Variants in CSMD1 observed in about 807,000 individuals in gnomAD.
The protein encoded by CSMD1 is CUB and sushi domain-containing protein 1.
CSMD1 carries 213 observed loss-of-function variants against 417.5 expected under a neutral mutation model. The ratio of observed to expected loss-of-function variants is 0.51; its 90% CI spans 0.46 to 0.57. The LOEUF (loss-of-function observed/expected upper bound fraction) is 0.57, where lower values mean the gene tolerates loss of function less well. Ranked by LOEUF, CSMD1 falls within the 20% of genes least tolerant of loss-of-function variation. CSMD1 has a pLI of 0.00. For missense variants in CSMD1, 6,923 were observed against 4,529.7 expected (o/e 1.53, Z -15.17); for synonymous variants, 2,862 against 1,736.8 (o/e 1.65, Z -16.11).
chr8:4,963,911 C>G (rs1041525693), intron 1 of CSMD1, among the ~76,000 whole-genome samples: 3 of 152,052 alleles, frequency 2.0e-5, no homozygotes, highest in African/African-American at 7.2e-5. Flanking sequence ...ATATTTTATA[C>G]ACCTCACTTA....
At chr8:3,948,457 C>G (rs923144446) in intron 5 of CSMD1, among the ~76,000 whole-genome samples, 4 of 152,088 alleles carry the variant, frequency 2.6e-5, no homozygotes, top group African/African-American at 9.6e-5. Context: ...TTGAATGTGA[C>G]CCTTCTTTGG....
In CSMD1 at chr8:4,923,359, C is replaced by A. The variant is rs143410160; in HGVS notation, c.85+70973G>T. On this transcript the variant is annotated intron_variant, in intron 1 of 69. Transcript: ENST00000635120. ...AACAGTTAACTTCTTAAAGGGTTGG[C>A]ATACATTTTAAAATAAAGAGTGTAA... is the stretch of plus-strand genomic sequence containing the variant. Among the ~76,000 whole-genome samples the A allele has an allele frequency of 1.3e-3, 193 of 152,170 alleles. 1 individual carries two copies. Among genetic ancestry groups the A allele is most frequent in the African/African-American group, 4.2e-3 (173 of 41,508 alleles).
At chr8:4,905,131 T>A (rs1278342276) in intron 1 of CSMD1, among the ~76,000 whole-genome samples, 4 of 152,092 alleles carry the variant, frequency 2.6e-5, no homozygotes, top group Non-Finnish European at 4.4e-5. Flanking sequence ...AACTTTTAAA[T>A]GTCATAAGGA....
rs570316302 is a variant in CSMD1, at chr8:3,479,931, A to G, written c.1449-11107T>C. Reference sequence around the variant, plus strand: ...TGAACTAAAAGGAAATTATGGAACTAAAAATAACAGAAGAGAAAACTAAAA... The same window carrying G: ...TGAACTAAAAGGAAATTATGGAACTGAAAATAACAGAAGAGAAAACTAAAA... On this transcript the variant is annotated intron_variant, in intron 11 of 69. Transcript: ENST00000635120. Among the ~76,000 whole-genome samples, 3 of 152,382 alleles carry G rather than the reference A, an allele frequency of 2.0e-5. No homozygotes were observed. In the South Asian group the frequency reaches 6.2e-4, roughly 32 times the overall value.
At chr8:2,947,788 A>C (rs1014426564) in intron 68 of CSMD1, among the ~76,000 whole-genome samples, 1 of 152,192 alleles carries the variant, frequency 6.6e-6, no homozygotes, top group Non-Finnish European at 1.5e-5. Context: ...GGTCTAATGC[A>C]TTTATTCCAT....
chr8:4,209,474 C>G (rs1800177696), intron 3 of CSMD1, among the ~76,000 whole-genome samples: 2 of 152,190 alleles, frequency 1.3e-5, no homozygotes, highest in African/African-American at 4.8e-5. Flanking sequence ...CTGCTAGTTC[C>G]CGAACACTTC....
intron 9 of CSMD1, among the ~76,000 whole-genome samples, chr8:3,582,097 G>A (rs958140286): frequency 2.0e-5 from 3 of 152,130 alleles, no homozygotes; most frequent in African/African-American, 7.2e-5. Flanking sequence ...GCTGGCCAAT[G>A]CTGTCTTTTC....
intron 12 of CSMD1, among the ~76,000 whole-genome samples, chr8:3,457,921 G>A (rs1816260291): frequency 6.6e-6 from 1 of 152,022 alleles, no homozygotes; most frequent in African/African-American, 2.4e-5. Context: ...CATATGGCTG[G>A]AAAAAAATAG....
intron 1 of CSMD1, among the ~76,000 whole-genome samples, chr8:4,761,867 C>CTATA (rs1812099228): frequency 1.1e-5 from 1 of 87,772 alleles, no homozygotes; most frequent in Admixed American, 1.6e-4. Context: ...ATCTATCTAT[C>CTATA]TATCTATCTA....
At chr8:4,911,794 T>A (rs1451963391) in intron 1 of CSMD1, among the ~76,000 whole-genome samples, 1 of 152,178 alleles carries the variant, frequency 6.6e-6, no homozygotes, top group Non-Finnish European at 1.5e-5. Context: ...GATCAATCAC[T>A]TCTAGATTGG....
intron 5 of CSMD1, among the ~76,000 whole-genome samples, chr8:3,802,718 T>C (rs985981488): frequency 2.6e-5 from 4 of 152,342 alleles, no homozygotes; most frequent in Admixed American, 6.5e-5. Context: ...ACAATTTTAA[T>C]TTATTTTAAT....
At chr8:4,385,287 A>G (rs117933969) in intron 3 of CSMD1, among the ~76,000 whole-genome samples, 1 of 152,318 alleles carries the variant, frequency 6.6e-6, no homozygotes, top group East Asian at 1.9e-4. Context: ...TCAAAATACT[A>G]TCTGTTCATG....
rs111287694 is a variant in CSMD1, at chr8:3,768,564, A to G, written c.819-14522T>C. Among the ~76,000 whole-genome samples the G allele has an allele frequency of 4.1e-3, 622 of 152,356 alleles. 6 individuals carry two copies. Among genetic ancestry groups the G allele is most frequent in the African/African-American group, 0.014 (588 of 41,586 alleles). On this transcript the variant is annotated intron_variant, in intron 5 of 69. Transcript: ENST00000635120. ...CCAAATGGCTCAGACACTGCTAAAC[A>G]GAAACAAGAGTACTTTAAGTTCAAC... is the stretch of plus-strand genomic sequence containing the variant.
chr8:4,403,427 A>G (rs1378452239), intron 3 of CSMD1, among the ~76,000 whole-genome samples: 1 of 152,110 alleles, frequency 6.6e-6, no homozygotes, highest in Admixed American at 6.6e-5. Context: ...AGAGTTTCAC[A>G]CCTGCCATTC....
At chr8:4,032,553 G>A (rs776786818) in intron 3 of CSMD1, among the ~76,000 whole-genome samples, 1 of 152,152 alleles carries the variant, frequency 6.6e-6, no homozygotes, top group Admixed American at 6.5e-5. Flanking sequence ...GACTGGTACA[G>A]TGTCTGTTAC....
chr8:4,356,662 C>T (rs1348379412), intron 3 of CSMD1, among the ~76,000 whole-genome samples: 1 of 152,148 alleles, frequency 6.6e-6, no homozygotes, highest in African/African-American at 2.4e-5. Flanking sequence ...TTCACATACA[C>T]CTGTTAGTGA....
At chr8:4,855,057 C>T (rs1368302480) in intron 1 of CSMD1, among the ~76,000 whole-genome samples, 1 of 152,100 alleles carries the variant, frequency 6.6e-6, no homozygotes, top group Non-Finnish European at 1.5e-5. Context: ...CAGCAAGCAG[C>T]TGGAGATCTG....
chr8:4,051,079 C>G (rs1176191647), intron 3 of CSMD1, among the ~76,000 whole-genome samples: 1 of 151,758 alleles, frequency 6.6e-6, no homozygotes, highest in Admixed American at 6.6e-5. Context: ...AGCGCACTGC[C>G]CTGAGTTACA....
At chr8:4,300,896 G>A (rs546666149) in intron 3 of CSMD1, among the ~76,000 whole-genome samples, 3 of 152,236 alleles carry the variant, frequency 2.0e-5, no homozygotes, top group Admixed American at 2.0e-4. Context: ...AGTATTCCAT[G>A]GTGTATATGT....
Sources: allele counts gnomAD v4.1 joint callset (sites outside exome capture counted in the v4.1 genomes callset), GRCh38; gene constraint gnomAD v4.1.1; transcripts MANE v1.5; gene names NCBI Gene and HGNC (gene_info 2026-07-23, HGNC 2026-07-21).